The following SPATA7 variants were observed in gnomAD, a reference collection of about 807,000 sequenced individuals.
SPATA7 encodes the protein spermatogenesis associated 7.
Under a neutral mutation model 51.8 loss-of-function variants are expected in SPATA7, and 43 were observed. That is an observed-to-expected ratio of 0.83 (90% confidence interval 0.65 to 1.07). SPATA7 has a LOEUF of 1.07. Ranked by LOEUF, SPATA7 falls within the 50% of genes least tolerant of loss-of-function variation. SPATA7 has a pLI of 0.00. For missense variants in SPATA7, 683 were observed against 701.3 expected, an observed-to-expected ratio of 0.97 and a Z score of 0.30; for synonymous variants, 230 against 252.8, an observed-to-expected ratio of 0.91 and a Z score of 0.86.
At chr14:88,411,755 A>G (rs528053652) in intron 4 of SPATA7, among the ~76,000 whole-genome samples, 1 of 152,174 alleles carries the variant, frequency 6.6e-6, no homozygotes, top group East Asian at 1.9e-4. Context: ...CCAATTCACC[A>G]TTAATGGACA....
At chr14:88,391,550 A>C in intron 2 of SPATA7, 95 bp downstream of exon 2, 1 of 1,016,576 alleles carries the variant, frequency 9.8e-7, no homozygotes, top group South Asian at 1.4e-5. Flanking sequence ...AAATTGTTTC[A>C]TTTGACGAAT....
At chr14:88,427,531 C>T in intron 6 of SPATA7, 99 bp from the exon 7 acceptor site, 1 of 757,134 alleles carries the variant, frequency 1.3e-6, no homozygotes, top group South Asian at 1.6e-5. Flanking sequence ...ATAGATGGGT[C>T]TCATTCTTTT....
exon 4 of SPATA7, chr14:88,455,135 A>G (rs1566796713): frequency 2.2e-6 from 1 of 455,836 alleles, no homozygotes; most frequent in Non-Finnish European, 4.4e-6. Flanking sequence ...CAAATAGCAT[A>G]TGTTCTACTA....
chr14:88,409,721 G>A (rs868616129), intron 4 of SPATA7, among the ~76,000 whole-genome samples: 1 of 152,138 alleles, frequency 6.6e-6, no homozygotes. Flanking sequence ...TCTCCTGTGG[G>A]CATTTAGTGC....
chr14:88,416,915 T>G (rs532177980), intron 5 of SPATA7, 71 bp downstream of exon 5: 2 of 1,389,746 alleles, frequency 1.4e-6, no homozygotes, highest in Admixed American at 3.9e-5. Context: ...AATCTGACTT[T>G]GTTTACTATA....
downstream of SPATA7, among the ~76,000 whole-genome samples, chr14:88,442,574 T>C (rs1046495055): frequency 6.6e-6 from 1 of 152,192 alleles, no homozygotes; most frequent in Non-Finnish European, 1.5e-5. Flanking sequence ...TAATTCTGTT[T>C]ATGTGGTATA....
At position 88,437,875 on chromosome 14, in the gene SPATA7, A is replaced by G; in HGVS notation, c.1253A>G (p.Asp418Gly). The change falls in exon 12 of 12, where the codon GAC becomes GGC. Residue 418 changes from aspartate to glycine, a missense_variant. Asp to Gly is a moderately conservative substitution (Grantham distance 94). Transcript: ENST00000393545. ...CACCTGCTGCATGTCCTGAAAGTAG[A>G]CTTAGGCTGCACATCGGAGGAAAAC... The part of the protein sequence containing the change: ...MRHLLHVLKV[D>G]LGCTSEENSV... 6.2e-7 allele frequency: 1 copy of G among 1,608,674 alleles called. No individual in the cohort carries two copies. Among genetic ancestry groups the G allele is most frequent in the Non-Finnish European group, 8.5e-7 (1 of 1,177,668 alleles).
downstream of SPATA7, among the ~76,000 whole-genome samples, chr14:88,443,291 T>C (rs2077190192): frequency 6.6e-6 from 1 of 152,150 alleles, no homozygotes; most frequent in Non-Finnish European, 1.5e-5. Context: ...CACTGCTCGT[T>C]ATTGGTCTGT....
chr14:88,439,819 C>T (rs376395546), downstream of SPATA7, among the ~76,000 whole-genome samples: 162 of 152,216 alleles, frequency 1.1e-3, 2 homozygotes, highest in East Asian at 0.023. Context: ...ACTGAGCACC[C>T]AACCCACTTT....
chr14:88,390,255 A>ATT (rs71126981), intron 1 of SPATA7, among the ~76,000 whole-genome samples: 93 of 144,812 alleles, frequency 6.4e-4, no homozygotes, highest in African/African-American at 1.1e-3. Flanking sequence ...TAAAATGGGA[A>ATT]TTTTTTTTTT....
At chr14:88,440,136 A>G (rs1034785024), downstream of SPATA7, among the ~76,000 whole-genome samples, 4 of 151,850 alleles carry the variant, frequency 2.6e-5, no homozygotes, top group African/African-American at 9.7e-5. Flanking sequence ...CCCATTCCCC[A>G]TGTAACTACC....
In SPATA7 at chr14:88,408,778, T is replaced by C. The variant is rs111657347; in HGVS notation, c.239-7933T>C. On this transcript the variant is annotated intron_variant, in intron 4 of 11. Coordinates refer to ENST00000393545, the MANE Select transcript of SPATA7 (RefSeq NM_018418.5). The stretch of plus-strand genomic sequence containing the variant: ...ATAGCTCTTATTATTTTGAGATACA[T>C]TCTATCAACACCTAGTTTATTGAGG... Among the ~76,000 whole-genome samples the C allele has an allele frequency of 1.8e-3, 268 of 152,340 alleles. 1 individual carries two copies. Among genetic ancestry groups the C allele is most frequent in the Middle Eastern group, 3.4e-3 (1 of 294 alleles).
chr14:88,398,781 A>T (rs1292200631), intron 4 of SPATA7, among the ~76,000 whole-genome samples: 1 of 152,118 alleles, frequency 6.6e-6, no homozygotes, highest in Non-Finnish European at 1.5e-5. Flanking sequence ...AGCCAGGTGC[A>T]GTGGCTCATG....
intron 4 of SPATA7, among the ~76,000 whole-genome samples, chr14:88,460,528 C>G (rs562974763): frequency 1.3e-5 from 2 of 152,160 alleles, no homozygotes; most frequent in South Asian, 4.1e-4. Context: ...GCATTCATCA[C>G]GTAGTTCTCT....
intron 3 of SPATA7, among the ~76,000 whole-genome samples, chr14:88,451,243 A>G (rs1243964068): frequency 6.6e-6 from 1 of 151,910 alleles, no homozygotes; most frequent in African/African-American, 2.4e-5. Context: ...AATCTTGGCT[A>G]CCTGCAACCT....
intron 4 of SPATA7, among the ~76,000 whole-genome samples, chr14:88,412,556 G>A (rs563864498): frequency 7.2e-5 from 11 of 152,114 alleles, no homozygotes; most frequent in African/African-American, 2.7e-4. Context: ...CCAGATTAAG[G>A]GTGGGTCTGC....
At chr14:88,386,178 A>C in intron 1 of SPATA7, 4 of 550,824 alleles carry the variant, frequency 7.3e-6, no homozygotes, top group East Asian at 7.2e-5. Flanking sequence ...CGGGCCCCAA[A>C]TCAAACCCCT....
chr14:88,435,807 C>T (rs919156727), intron 10 of SPATA7, among the ~76,000 whole-genome samples: 4 of 152,088 alleles, frequency 2.6e-5, no homozygotes, highest in Non-Finnish European at 4.4e-5. Flanking sequence ...ATATGTACTA[C>T]GTTTTTTTAT....
chr14:88,420,584 T>A (rs1357493718), intron 5 of SPATA7, among the ~76,000 whole-genome samples: 1 of 152,160 alleles, frequency 6.6e-6, no homozygotes, highest in Non-Finnish European at 1.5e-5. Flanking sequence ...TTTTGAACTT[T>A]TAAATTTTGA....
Sources: allele counts gnomAD v4.1 joint callset (sites outside exome capture counted in the v4.1 genomes callset), GRCh38; gene constraint gnomAD v4.1.1; transcripts MANE v1.5; gene names NCBI Gene and HGNC (gene_info 2026-07-23, HGNC 2026-07-21).